The following METTL25 variants were observed in gnomAD, a reference collection of about 807,000 sequenced individuals.
METTL25 encodes methyltransferase like 25, also known as probable methyltransferase-like protein 25.
A neutral mutation model predicts 71.6 loss-of-function variants in METTL25; 64 were observed. The observed-to-expected ratio is 0.89, with a 90% CI of 0.73 to 1.10. The LOEUF (loss-of-function observed/expected upper bound fraction) is 1.10. Among genes scored for constraint, METTL25 ranks in the 50% least tolerant of loss-of-function variants. METTL25 has a pLI of 0.00. For missense variants in METTL25, 807 were observed against 707.0 expected, an observed-to-expected ratio of 1.14 and a Z score of -1.60; for synonymous variants, 287 against 250.3, an observed-to-expected ratio of 1.15 and a Z score of -1.38.
chr12:82,472,142 T>C (rs975222445), intron 9 of METTL25, among the ~76,000 whole-genome samples: 1 of 152,276 alleles, frequency 6.6e-6, no homozygotes, highest in Middle Eastern at 3.4e-3. Flanking sequence ...ACCTAAGAAG[T>C]TTTTCACATC....
At chr12:82,456,859 A>G (rs751322201) in intron 9 of METTL25, 39 bp downstream of exon 9, 1 of 980,220 alleles carries the variant, frequency 1.0e-6, no homozygotes, top group South Asian at 2.0e-5. Context: ...GAAAAGACAG[A>G]AGAACTTCTA....
intron 8 of METTL25, among the ~76,000 whole-genome samples, chr12:82,439,567 G>GA (rs1006231367): frequency 6.6e-6 from 1 of 151,696 alleles, no homozygotes; most frequent in Non-Finnish European, 1.5e-5. Context: ...TTCTCTGTAA[G>GA]AAAAAATATC....
At chr12:82,451,845 ATAT>A (rs2137237763) in intron 8 of METTL25, among the ~76,000 whole-genome samples, 1 of 152,314 alleles carries the variant, frequency 6.6e-6, no homozygotes, top group East Asian at 1.9e-4. Context: ...TTCTTCTGAA[ATAT>A]TAATATGTTT....
In METTL25 at chr12:82,476,700, G is replaced by A. The variant is rs1341234011; in HGVS notation, c.1629G>A (p.Glu543=). Residue 543 remains glutamate (E), a synonymous_variant, in exon 10 of 12, where the codon GAG becomes GAA. Transcript: ENST00000248306. Reference sequence around the variant, plus strand: ...AGAAGTATAAGCCTCGAATGAATGAGCTGGAAGCTTTTAATATGGTAAATC... The same window carrying A: ...AGAAGTATAAGCCTCGAATGAATGAACTGGAAGCTTTTAATATGGTAAATC... ...YYEKYKPRMN[E]LEAFNMLKVV... 1 of 1,595,422 alleles carries A rather than the reference G, an allele frequency of 6.3e-7. No individual in the cohort carries two copies. Among genetic ancestry groups the A allele is most frequent in the Non-Finnish European group, 8.5e-7 (1 of 1,171,636 alleles).
At chr12:82,389,598 T>C (rs894009509) in intron 2 of METTL25, among the ~76,000 whole-genome samples, 3 of 152,094 alleles carry the variant, frequency 2.0e-5, no homozygotes, top group African/African-American at 7.2e-5. Flanking sequence ...TATAGTTAAT[T>C]GTTACGGAAT....
chr12:82,380,105 A>G (rs569436179), intron 1 of METTL25, among the ~76,000 whole-genome samples: 375 of 152,276 alleles, frequency 2.5e-3, no homozygotes, highest in African/African-American at 8.4e-3. Flanking sequence ...AGGGTTGCCT[A>G]TTTATGTTCT....
chr12:82,421,464 TA>T (rs1369918521), intron 5 of METTL25, among the ~76,000 whole-genome samples: 1 of 152,190 alleles, frequency 6.6e-6, no homozygotes, highest in East Asian at 1.9e-4. Context: ...TCTAGATTTG[TA>T]TTATGAAGTT....
chr12:82,391,745 A>G (rs972279025), intron 3 of METTL25, among the ~76,000 whole-genome samples: 3 of 138,608 alleles, frequency 2.2e-5, no homozygotes, highest in Admixed American at 7.5e-5. Context: ...TTTTTTGGAT[A>G]TATACCCAGT....
chr12:82,412,443 A>G (rs1012540983), intron 5 of METTL25, among the ~76,000 whole-genome samples: 4 of 152,100 alleles, frequency 2.6e-5, no homozygotes, highest in Non-Finnish European at 5.9e-5. Context: ...TTGTGCAAGT[A>G]TACCTAATGT....
At chr12:82,380,239 G>C (rs2401029) in intron 1 of METTL25, among the ~76,000 whole-genome samples, 2,490 of 152,076 alleles carry the variant, frequency 0.016, 32 homozygotes, top group Middle Eastern at 0.027. Context: ...TTCTGTTCTT[G>C]CATTACTTTG....
chr12:82,476,842 G>A (rs1892908572), intron 10 of METTL25, 124 bp downstream of exon 10: 3 of 591,888 alleles, frequency 5.1e-6, no homozygotes, highest in Non-Finnish European at 8.9e-6. Context: ...AAACTGTTTT[G>A]GATCATTTCC....
Position 82,398,842 on chromosome 12 carries a change from C to CTT in METTL25, c.580_581dup (p.Leu194PhefsTer2), listed in dbSNP as rs765151843. On this transcript the variant is annotated frameshift_variant, in exon 4 of 12. Coordinates refer to ENST00000248306, the MANE Select transcript of METTL25 (RefSeq NM_032230.3). LOFTEE classifies it high-confidence loss of function. The stretch of plus-strand genomic sequence containing the variant: ...AAGGCTACCTAAGCTCTTTTTTGTC[C>CTT]TTGAAGTATGGCTTAAAAGTTTATG... 3.2e-6 allele frequency: 5 copies of CTT among 1,581,722 alleles called. No homozygotes were observed. Among genetic ancestry groups the CTT allele is most frequent in the Middle Eastern group, 1.7e-4 (1 of 5,852 alleles).
At chr12:82,471,260 A>G (rs1892552464) in intron 9 of METTL25, among the ~76,000 whole-genome samples, 1 of 152,214 alleles carries the variant, frequency 6.6e-6, no homozygotes. Flanking sequence ...ACTTGGCTAG[A>G]TTAGTCTGCA....
intron 1 of METTL25, among the ~76,000 whole-genome samples, chr12:82,364,816 T>C (rs1882373856): frequency 6.6e-6 from 1 of 152,220 alleles, no homozygotes; most frequent in Admixed American, 6.5e-5. Flanking sequence ...TGGAAGTTTA[T>C]GTTCTAAACA....
At chr12:82,372,752 T>C (rs1883369817) in intron 1 of METTL25, among the ~76,000 whole-genome samples, 1 of 152,104 alleles carries the variant, frequency 6.6e-6, no homozygotes, top group African/African-American at 2.4e-5. Context: ...GTGTTTCCCA[T>C]CTGAAAGACA....
intron 1 of METTL25, among the ~76,000 whole-genome samples, chr12:82,384,675 G>A (rs997726295): frequency 1.3e-5 from 2 of 151,658 alleles, no homozygotes; most frequent in Non-Finnish European, 2.9e-5. Context: ...TTCTGAAATT[G>A]CTGAGACCTG....
intron 9 of METTL25, among the ~76,000 whole-genome samples, chr12:82,467,033 G>A (rs537045179): frequency 1.5e-4 from 23 of 151,838 alleles, no homozygotes; most frequent in African/African-American, 5.6e-4. Context: ...TACCACATCT[G>A]GCCAGAATAT....
intron 2 of METTL25, among the ~76,000 whole-genome samples, 193 bp from the exon 3 acceptor site, chr12:82,389,623 A>G (rs1034718345): frequency 5.3e-5 from 8 of 152,018 alleles, no homozygotes; most frequent in African/African-American, 1.9e-4. Context: ...TTAATGTTCT[A>G]TGGATTTTTA....
intron 1 of METTL25, among the ~76,000 whole-genome samples, chr12:82,368,071 C>A (rs772547907): frequency 1.3e-5 from 2 of 151,980 alleles, no homozygotes; most frequent in Non-Finnish European, 2.9e-5. Flanking sequence ...ATAATAGCCA[C>A]CTTCTTCCTA....
Sources: allele counts gnomAD v4.1 joint callset (sites outside exome capture counted in the v4.1 genomes callset), GRCh38; gene constraint gnomAD v4.1.1; transcripts MANE v1.5; gene names NCBI Gene and HGNC (gene_info 2026-07-23, HGNC 2026-07-21).